The following BICC1 variants were observed in gnomAD, a reference collection of about 807,000 sequenced individuals.
BICC1 encodes protein bicaudal C homolog 1.
Under a neutral mutation model 111.0 loss-of-function variants are expected in BICC1, and 43 were observed. That is an observed-to-expected ratio of 0.39 (90% confidence interval 0.30 to 0.50). BICC1 has a LOEUF of 0.50. Ranked by LOEUF, BICC1 falls within the 20% of genes least tolerant of loss-of-function variation. BICC1 has a pLI of 0.88. For missense variants in BICC1, 1,091 were observed against 1,203.2 expected (o/e 0.91, Z 1.38); for synonymous variants, 467 against 434.4 (o/e 1.07, Z -0.93).
At chr10:58,526,215 C>G (rs1050677162) in intron 1 of BICC1, among the ~76,000 whole-genome samples, 1 of 151,644 alleles carries the variant, frequency 6.6e-6, no homozygotes, top group Non-Finnish European at 1.5e-5. Flanking sequence ...AAAAAAAAAG[C>G]TGTAAACACT....
In BICC1 at chr10:58,788,430, A is replaced by C; in HGVS notation, c.600+7A>C. The C allele has an allele frequency of 2.5e-6, 4 of 1,597,290 alleles. No individual in the cohort carries two copies. Among genetic ancestry groups the C allele is most frequent in the Middle Eastern group, 1.7e-4 (1 of 6,026 alleles). Reference sequence around the variant, plus strand: ...TGCCCGAGTTAGAATTCGGGTAACTATTTATTACTTTAACATTGTAAATTG... The same window carrying C: ...TGCCCGAGTTAGAATTCGGGTAACTCTTTATTACTTTAACATTGTAAATTG... On this transcript the variant is annotated splice_region_variant and intron_variant, in intron 6 of 20. Transcript: ENST00000373886.
chr10:58,528,918 A>G lies in BICC1; in HGVS notation c.190+15585A>G, dbSNP rs1399372751. Among the ~76,000 whole-genome samples, 7 of 152,084 alleles carry G rather than the reference A, an allele frequency of 4.6e-5. No homozygotes were observed. The East Asian group carries it at 9.7e-4, about 21-fold the overall frequency. On this transcript the variant is annotated intron_variant, in intron 1 of 20. Coordinates refer to ENST00000373886, the MANE Select transcript of BICC1 (RefSeq NM_001080512.3). The stretch of plus-strand genomic sequence containing the variant: ...TTTACCACACCTGAGCATTCACAGC[A>G]AATGGGAAATGTGGTAGAAAGAGAG...
chr10:58,800,448 A>G (rs923652009), intron 13 of BICC1, 122 bp downstream of exon 13: 1 of 887,542 alleles, frequency 1.1e-6, no homozygotes, highest in Admixed American at 3.2e-5. Context: ...ATCCTACCTC[A>G]ATTATGTGGA....
At chr10:58,609,694 T>A (rs888271930) in intron 1 of BICC1, among the ~76,000 whole-genome samples, 10 of 152,222 alleles carry the variant, frequency 6.6e-5, no homozygotes, top group Non-Finnish European at 1.5e-4. Flanking sequence ...TTCAGACTAG[T>A]CACACTTTCA....
At chr10:58,819,433 C>CT (rs1278935480) in intron 19 of BICC1, among the ~76,000 whole-genome samples, 1 of 152,008 alleles carries the variant, frequency 6.6e-6, no homozygotes, top group African/African-American at 2.4e-5. Context: ...TGGTCATCTG[C>CT]TTTTTTCAGT....
intron 3 of BICC1, among the ~76,000 whole-genome samples, chr10:58,740,717 G>A (rs948166427): frequency 3.3e-5 from 5 of 152,186 alleles, no homozygotes; most frequent in South Asian, 2.1e-4. Context: ...TGTCATGGGA[G>A]TCCACATGAG....
At chr10:58,746,467 C>G (rs1841839789) in intron 3 of BICC1, among the ~76,000 whole-genome samples, 1 of 152,132 alleles carries the variant, frequency 6.6e-6, no homozygotes, top group African/African-American at 2.4e-5. Flanking sequence ...AGAAAAACAC[C>G]TACCTTCTTC....
At chr10:58,665,237 C>G (rs1643756011) in intron 2 of BICC1, among the ~76,000 whole-genome samples, 1 of 152,180 alleles carries the variant, frequency 6.6e-6, no homozygotes, top group Non-Finnish European at 1.5e-5. Flanking sequence ...CTCTCAAAAA[C>G]AACCATTTTT....
At chr10:58,519,522 A>G (rs1842335436) in intron 1 of BICC1, among the ~76,000 whole-genome samples, 1 of 152,204 alleles carries the variant, frequency 6.6e-6, no homozygotes, top group East Asian at 1.9e-4. Flanking sequence ...GCTTACCTGT[A>G]TTGGAGACTT....
At chr10:58,665,600 G>A (rs1265542567) in intron 2 of BICC1, among the ~76,000 whole-genome samples, 3 of 152,110 alleles carry the variant, frequency 2.0e-5, no homozygotes, top group Admixed American at 6.6e-5. Context: ...AGAGGAGAGA[G>A]GTTTTTCATT....
At chr10:58,700,578 T>C (rs946861584) in intron 2 of BICC1, among the ~76,000 whole-genome samples, 1 of 152,178 alleles carries the variant, frequency 6.6e-6, no homozygotes, top group African/African-American at 2.4e-5. Context: ...CTTGACTTAG[T>C]GAAGACAGTG....
chr10:58,601,481 T>A (rs1253214833), intron 1 of BICC1, among the ~76,000 whole-genome samples: 1 of 151,884 alleles, frequency 6.6e-6, no homozygotes, highest in Admixed American at 6.6e-5. Context: ...ATTCCCATAT[T>A]GGTTTTTCCT....
At position 58,789,380 on chromosome 10, in the gene BICC1, C is replaced by G. The variant is rs1357394292; in HGVS notation, c.719C>G (p.Ser240Ter). The change falls in exon 7 of 21, where the codon TCA becomes TGA. Residue 240 changes from serine (S) to a stop codon, truncating the protein, a stop_gained. Coordinates refer to ENST00000373886, the MANE Select transcript of BICC1 (RefSeq NM_001080512.3). LOFTEE classifies it high-confidence loss of function. Reference sequence around the variant, plus strand: ...TCACAAACGTACAATATTTCAGTATCATTTAAACAGCGTTCCCGAATGTAT... The same window carrying G: ...TCACAAACGTACAATATTTCAGTATGATTTAAACAGCGTTCCCGAATGTAT... ...HISQTYNISV[S>*]FKQRSRMYGA... 1 of 1,614,094 alleles carries G rather than the reference C, an allele frequency of 6.2e-7. No individual in the cohort carries two copies. Among genetic ancestry groups the G allele is most frequent in the Non-Finnish European group, 8.5e-7 (1 of 1,179,964 alleles).
chr10:58,734,223 A>G (rs1447583344), intron 3 of BICC1, among the ~76,000 whole-genome samples: 1 of 152,192 alleles, frequency 6.6e-6, no homozygotes, highest in East Asian at 1.9e-4. Context: ...CAAGGATTTT[A>G]GGTCACTGTT....
intron 1 of BICC1, among the ~76,000 whole-genome samples, chr10:58,533,634 C>T (rs1342582082): frequency 1.3e-5 from 2 of 151,632 alleles, no homozygotes; most frequent in African/African-American, 4.8e-5. Flanking sequence ...TCTGGATAAA[C>T]AAAAGGCGAG....
chr10:58,767,396 G>T (rs979476109), intron 3 of BICC1, among the ~76,000 whole-genome samples: 1 of 152,136 alleles, frequency 6.6e-6, no homozygotes, highest in Non-Finnish European at 1.5e-5. Context: ...TATCGAGAGT[G>T]CCTCAGAATT....
intron 1 of BICC1, among the ~76,000 whole-genome samples, chr10:58,603,555 A>G (rs1845111983): frequency 6.6e-6 from 1 of 152,196 alleles, no homozygotes; most frequent in Admixed American, 6.5e-5. Context: ...GTAGAGCGTA[A>G]TAGTTGATAC....
intron 2 of BICC1, among the ~76,000 whole-genome samples, chr10:58,688,052 T>C (rs534261341): frequency 6.6e-6 from 1 of 152,160 alleles, no homozygotes; most frequent in African/African-American, 2.4e-5. Context: ...GGTGGGTTCG[T>C]GGTCTTGCCG....
At chr10:58,553,294 A>G (rs879402577) in intron 1 of BICC1, among the ~76,000 whole-genome samples, 18 of 152,176 alleles carry the variant, frequency 1.2e-4, no homozygotes, top group Non-Finnish European at 2.2e-4. Context: ...GCCTAATGCA[A>G]TCACATTGGC....
Sources: gnomAD v4.1 joint callset for allele counts (sites outside exome capture counted in the v4.1 genomes callset) on GRCh38, gnomAD v4.1.1 for gene constraint, MANE v1.5 for transcripts, NCBI Gene and HGNC (gene_info 2026-07-23, HGNC 2026-07-21) for gene names.